The following SLIT2 variants were observed in gnomAD, a reference collection of about 807,000 sequenced individuals.
SLIT2 encodes slit homolog 2 protein.
Under a neutral mutation model 185.7 loss-of-function variants are expected in SLIT2, and 41 were observed. The observed-to-expected ratio is 0.22, with a 90% CI of 0.17 to 0.29. The LOEUF (loss-of-function observed/expected upper bound fraction) is 0.29. Ranked by LOEUF, SLIT2 falls within the 10% of genes least tolerant of loss-of-function variation. The pLI, the probability that SLIT2 is intolerant of heterozygous loss-of-function variation, is 1.00. For synonymous variants in SLIT2, 693 were observed against 680.2 expected (o/e 1.02, Z -0.29); for missense variants, 1,571 against 1,909.0 (o/e 0.82, Z 3.30).
In SLIT2 at chr4:20,367,745, A is replaced by G. The variant is rs890781550; in HGVS notation, c.395+98864A>G. The stretch of plus-strand genomic sequence containing the variant: ...GACCTTGGCCCCTATCTTTGCCATC[A>G]GTGTTTGGGGTGAGGAGAGAATGGG... On this transcript the variant is annotated intron_variant, in intron 4 of 36. Coordinates refer to ENST00000504154, the MANE Select transcript of SLIT2 (RefSeq NM_004787.4). Among the ~76,000 whole-genome samples, 15 of 152,130 alleles carry G rather than the reference A, an allele frequency of 9.9e-5. No homozygotes were observed. The South Asian group carries it at 3.1e-3, about 32-fold the overall frequency.
chr4:20,603,099 G>A (rs1324568782), intron 33 of SLIT2, among the ~76,000 whole-genome samples: 1 of 152,154 alleles, frequency 6.6e-6, no homozygotes, highest in South Asian at 2.1e-4. Context: ...AGAAAAAGAG[G>A]TTTAATTGAC....
intron 4 of SLIT2, among the ~76,000 whole-genome samples, chr4:20,311,210 A>G (rs1718076270): frequency 6.6e-6 from 1 of 152,224 alleles, no homozygotes; most frequent in African/African-American, 2.4e-5. Flanking sequence ...TTTTATACCA[A>G]AATAATTTTG....
chr4:20,521,908 A>C (rs796833160), intron 12 of SLIT2, among the ~76,000 whole-genome samples: 1 of 152,184 alleles, frequency 6.6e-6, no homozygotes, highest in African/African-American at 2.4e-5. Context: ...AGGCATACCC[A>C]AACCACATTA....
chr4:20,516,147 A>G (rs1448946626), intron 11 of SLIT2, among the ~76,000 whole-genome samples: 1 of 152,224 alleles, frequency 6.6e-6, no homozygotes, highest in Non-Finnish European at 1.5e-5. Context: ...ACAAGAGCTC[A>G]AACACTGGTC....
chr4:20,312,517 T>C (rs1718205280), intron 4 of SLIT2, among the ~76,000 whole-genome samples: 1 of 152,150 alleles, frequency 6.6e-6, no homozygotes, highest in Non-Finnish European at 1.5e-5. Context: ...CTCATGCCTG[T>C]AATCCCAGCA....
At chr4:20,570,397 C>A (rs1390004543) in intron 29 of SLIT2, among the ~76,000 whole-genome samples, 2 of 151,874 alleles carry the variant, frequency 1.3e-5, no homozygotes, top group African/African-American at 4.8e-5. Flanking sequence ...TTGATTTTCA[C>A]ACTAATATTA....
chr4:20,565,471 C>T (rs1418947980), intron 26 of SLIT2, among the ~76,000 whole-genome samples: 2 of 152,112 alleles, frequency 1.3e-5, no homozygotes, highest in East Asian at 3.9e-4. Flanking sequence ...GCTAATTTAA[C>T]TAACTGCTTT....
At chr4:20,472,277 T>TATATATCG (rs1715195062) in intron 5 of SLIT2, among the ~76,000 whole-genome samples, 6 of 24,770 alleles carry the variant, frequency 2.4e-4, no homozygotes, top group African/African-American at 1.3e-3. Context: ...GATATATATC[T>TATATATCG]ATATATATAG....
chr4:20,596,480 A>G lies in SLIT2; in HGVS notation c.3386A>G (p.Asp1129Gly), dbSNP rs753188377. Reference protein sequence around the residue: ...LPRTSPCDNFDCQNGAQCIVR... With the variant: ...LPRTSPCDNFGCQNGAQCIVR... ...CGTACCAGCCCCTGTGATAATTTTG[A>G]TTGTCAGAATGGAGCTCAGTGTATC... Residue 1129 changes from aspartate (D) to glycine (G), a missense_variant, in exon 32 of 37, where the codon GAT (aspartate) becomes GGT (glycine). Asp to Gly is a moderately conservative substitution (Grantham distance 94). Coordinates refer to ENST00000504154, the MANE Select transcript of SLIT2 (RefSeq NM_004787.4). 1 of 1,613,926 alleles carries G rather than the reference A, an allele frequency of 6.2e-7. No homozygotes were observed. Among genetic ancestry groups the G allele is most frequent in the Non-Finnish European group, 8.5e-7 (1 of 1,179,970 alleles).
chr4:20,472,335 G>GATATAGAT (rs1715281552), intron 5 of SLIT2, among the ~76,000 whole-genome samples: 1 of 13,780 alleles, frequency 7.3e-5, no homozygotes, highest in African/African-American at 3.6e-4. Context: ...TCTATATATA[G>GATATAGAT]ATCTATATAT....
intron 4 of SLIT2, among the ~76,000 whole-genome samples, chr4:20,281,278 A>G (rs1472302869): frequency 1.3e-5 from 2 of 152,260 alleles, no homozygotes; most frequent in African/African-American, 4.8e-5. Context: ...CGCTAGTGGT[A>G]GCATGAAGAA....
intron 33 of SLIT2, among the ~76,000 whole-genome samples, chr4:20,607,290 T>G (rs1371886428): frequency 6.6e-6 from 1 of 152,216 alleles, no homozygotes; most frequent in Admixed American, 6.5e-5. Flanking sequence ...CCACTGAAAC[T>G]TCCAACTATG....
At chr4:20,286,885 C>T (rs745747586) in intron 4 of SLIT2, among the ~76,000 whole-genome samples, 1 of 152,138 alleles carries the variant, frequency 6.6e-6, no homozygotes, top group African/African-American at 2.4e-5. Flanking sequence ...TTTAATAAAA[C>T]ATTTTTCCAC....
At chr4:20,523,687 TA>T in intron 12 of SLIT2, 72 bp from the exon 13 acceptor site, 1 of 1,367,772 alleles carries the variant, frequency 7.3e-7, no homozygotes, top group Non-Finnish European at 1.0e-6. Context: ...TGGGTTTCCT[TA>T]AAAAGCACAA....
At chr4:20,325,119 C>T (rs962226950) in intron 4 of SLIT2, among the ~76,000 whole-genome samples, 2 of 151,860 alleles carry the variant, frequency 1.3e-5, no homozygotes, top group Non-Finnish European at 2.9e-5. Flanking sequence ...TACTTTCTCA[C>T]CCCTCTAACC....
At chr4:20,471,298 C>CTATCT (rs1714982349) in intron 5 of SLIT2, among the ~76,000 whole-genome samples, 1 of 152,036 alleles carries the variant, frequency 6.6e-6, no homozygotes, top group Non-Finnish European at 1.5e-5. Flanking sequence ...CTTACGAAGG[C>CTATCT]TATCTGGTAA....
intron 12 of SLIT2, among the ~76,000 whole-genome samples, chr4:20,520,336 GA>G (rs1398826146): frequency 6.6e-6 from 1 of 152,034 alleles, no homozygotes; most frequent in Non-Finnish European, 1.5e-5. Flanking sequence ...AGTAAAGTTG[GA>G]AAAAAATGCA....
intron 11 of SLIT2, among the ~76,000 whole-genome samples, chr4:20,512,914 T>C (rs1719883633): frequency 6.6e-6 from 1 of 152,172 alleles, no homozygotes; most frequent in African/African-American, 2.4e-5. Flanking sequence ...ATAAAGATAT[T>C]TACAAGTAAA....
intron 4 of SLIT2, among the ~76,000 whole-genome samples, chr4:20,278,820 G>T (rs1013082538): frequency 1.3e-5 from 2 of 151,072 alleles, no homozygotes; most frequent in Admixed American, 6.6e-5. Context: ...GGGGGCGGTG[G>T]GGGGAGGGCG....
Sources: gnomAD v4.1 joint callset for allele counts (sites outside exome capture counted in the v4.1 genomes callset) on GRCh38, gnomAD v4.1.1 for gene constraint, MANE v1.5 for transcripts, NCBI Gene and HGNC (gene_info 2026-07-23, HGNC 2026-07-21) for gene names.